The following NTN1 variants were observed in gnomAD, a reference collection of about 807,000 sequenced individuals.
NTN1 encodes netrin-1.
A neutral mutation model predicts 54.2 loss-of-function variants in NTN1; 11 were observed. The ratio of observed to expected loss-of-function variants is 0.20; its 90% CI spans 0.13 to 0.34. The LOEUF is 0.34. NTN1 is among the 10% of genes least tolerant of loss of function. NTN1 has a pLI of 1.00. For missense variants in NTN1, 740 were observed against 893.1 expected (o/e 0.83, Z 2.18); for synonymous variants, 371 against 382.0 (o/e 0.97, Z 0.33).
chr17:9,215,288 C>CACACAT (rs34962426), intron 5 of NTN1, among the ~76,000 whole-genome samples: 1 of 150,754 alleles, frequency 6.6e-6, no homozygotes. Context: ...CACACACACA[C>CACACAT]ATACACACAT....
the NTN1 span, among the ~76,000 whole-genome samples, chr17:9,007,833 G>C: frequency 0.014 from 2,203 of 152,128 alleles, 43 homozygotes; most frequent in African/African-American, 0.049. Flanking sequence ...CTGGGCTCAA[G>C]CTATCCTCCC....
At position 9,120,722 on chromosome 17, in the gene NTN1, C is replaced by T. The variant is rs1052464055; in HGVS notation, c.1019-42091C>T. On this transcript the variant is annotated intron_variant, in intron 2 of 6. Coordinates refer to ENST00000173229, the MANE Select transcript of NTN1 (RefSeq NM_004822.3). ...TGATGTGGGCAGAGTTGGTGGGGGT[C>T]CCAGGGAGTCCCCCCAGCCCCTTCC... Among the ~76,000 whole-genome samples, 7 of 152,274 alleles carry T rather than the reference C, an allele frequency of 4.6e-5. No individual in the cohort carries two copies. In the South Asian group the frequency reaches 6.2e-4, roughly 14 times the overall value.
In NTN1 at chr17:9,022,321, C is replaced by T. The variant is rs1048701933; in HGVS notation, c.-53C>T. On this transcript the variant is annotated 5_prime_UTR_variant, in exon 2 of 7. Transcript: ENST00000173229. ...CCCTTCTCTCCGCAGGCGCCTTCTG[C>T]GGCAGGCGGACAGATCCTCGGCGCG... The T allele has an allele frequency of 2.4e-6, 3 of 1,262,786 alleles. No individual in the cohort carries two copies. The highest frequency in any genetic ancestry group is 3.1e-5 in the African/African-American group (2 of 64,216). The allele number at this position is 1,262,786 out of a possible 1,614,324, so 78.2% of individuals were successfully genotyped here.
At chr17:9,075,029 C>T (rs17808998) in intron 2 of NTN1, among the ~76,000 whole-genome samples, 36,030 of 152,104 alleles carry the variant, frequency 0.24, 4,682 homozygotes, top group East Asian at 0.39. Flanking sequence ...ATGTTGTGGT[C>T]GGGCCTAGTT....
intron 5 of NTN1, among the ~76,000 whole-genome samples, chr17:9,217,059 A>T (rs1439153224): frequency 1.3e-5 from 2 of 151,310 alleles, no homozygotes; most frequent in Non-Finnish European, 1.5e-5. Flanking sequence ...AAAAAAAAAA[A>T]GAAATATAAG....
chr17:9,022,856 C>T lies in NTN1; in HGVS notation c.483C>T (p.Ile161=), dbSNP rs761876633. The T allele has an allele frequency of 6.2e-7, 1 of 1,611,858 alleles. No individual in the cohort carries two copies. The highest frequency in any genetic ancestry group is 1.1e-5 in the South Asian group (1 of 90,952). Residue 161 remains isoleucine, a synonymous_variant, in exon 2 of 7, where the codon ATC becomes ATT. Transcript: ENST00000173229. ...FCSPRPESMA[I]YKSMDYGRTW... Reference sequence around the variant, plus strand: ...CGCCGCGGCCCGAGTCCATGGCCATCTACAAGTCCATGGACTACGGGCGCA... The same window carrying T: ...CGCCGCGGCCCGAGTCCATGGCCATTTACAAGTCCATGGACTACGGGCGCA...
At chr17:9,162,209 G>A (rs1041331120) in intron 2 of NTN1, among the ~76,000 whole-genome samples, 1 of 152,178 alleles carries the variant, frequency 6.6e-6, no homozygotes, top group African/African-American at 2.4e-5. Context: ...GGGGGAGGGG[G>A]AGAAGGGGAG....
chr17:9,054,173 C>T (rs2091970341), intron 2 of NTN1, among the ~76,000 whole-genome samples: 1 of 152,200 alleles, frequency 6.6e-6, no homozygotes, highest in Non-Finnish European at 1.5e-5. Context: ...AAGAACCTAG[C>T]AACTGGGTTA....
At chr17:9,231,843 G>T (rs1046265027) in intron 6 of NTN1, among the ~76,000 whole-genome samples, 1 of 152,228 alleles carries the variant, frequency 6.6e-6, no homozygotes, top group African/African-American at 2.4e-5. Flanking sequence ...AGGGAGGCTG[G>T]CTTTCTCACT....
chr17:9,122,500 G>A (rs886563486), intron 2 of NTN1, among the ~76,000 whole-genome samples: 5 of 152,180 alleles, frequency 3.3e-5, no homozygotes, highest in South Asian at 2.1e-4. Context: ...GTGCTGTGAA[G>A]TTTGACCTAG....
intron 5 of NTN1, among the ~76,000 whole-genome samples, chr17:9,215,284 CACACAT>C (rs1295700855): frequency 6.7e-6 from 1 of 150,006 alleles, no homozygotes; most frequent in African/African-American, 2.4e-5. Flanking sequence ...CACACACACA[CACACAT>C]ACACACATGG....
chr17:9,202,253 A>C (rs961063145), intron 5 of NTN1, among the ~76,000 whole-genome samples: 8 of 151,938 alleles, frequency 5.3e-5, no homozygotes, highest in African/African-American at 1.9e-4. Flanking sequence ...AAAAAAAGAT[A>C]TAAAAGATGA....
intron 2 of NTN1, among the ~76,000 whole-genome samples, chr17:9,084,264 C>T (rs1424457524): frequency 5.9e-5 from 9 of 152,126 alleles, no homozygotes; most frequent in Non-Finnish European, 1.2e-4. Context: ...TGTGCCACCA[C>T]GCCTGCATGA....
intron 2 of NTN1, among the ~76,000 whole-genome samples, chr17:9,096,771 C>G (rs558502821): frequency 6.4e-4 from 98 of 152,276 alleles, no homozygotes; most frequent in Non-Finnish European, 1.1e-3. Flanking sequence ...CAGAACAATT[C>G]TAACTAGTAG....
chr17:9,078,449 C>T (rs2092059113), intron 2 of NTN1, among the ~76,000 whole-genome samples: 1 of 152,216 alleles, frequency 6.6e-6, no homozygotes, highest in Admixed American at 6.5e-5. Context: ...CGTGAGCATC[C>T]TGTCCCCCGG....
intron 2 of NTN1, among the ~76,000 whole-genome samples, chr17:9,113,778 G>T (rs774316340): frequency 6.6e-6 from 1 of 152,118 alleles, no homozygotes; most frequent in Non-Finnish European, 1.5e-5. Flanking sequence ...GTTCAAGGAT[G>T]TTCACTGCAA....
intron 2 of NTN1, among the ~76,000 whole-genome samples, chr17:9,060,992 G>C (rs1171055507): frequency 1.5e-5 from 1 of 65,558 alleles, no homozygotes; most frequent in Non-Finnish European, 3.2e-5. Flanking sequence ...AAAAAAAAAA[G>C]TAGGCAACAA....
intron 2 of NTN1, among the ~76,000 whole-genome samples, chr17:9,124,342 C>A (rs543904322): frequency 6.6e-6 from 1 of 152,336 alleles, no homozygotes; most frequent in South Asian, 2.1e-4. Flanking sequence ...GTTGCCATGA[C>A]AGTCGGTTGG....
chr17:9,126,147 T>C (rs532200895), intron 2 of NTN1, among the ~76,000 whole-genome samples: 22 of 152,330 alleles, frequency 1.4e-4, no homozygotes, highest in South Asian at 4.1e-4. Flanking sequence ...CTTAATGAAT[T>C]GAATAGGATC....
Sources: gnomAD v4.1 joint callset for allele counts (sites outside exome capture counted in the v4.1 genomes callset) on GRCh38, gnomAD v4.1.1 for gene constraint, MANE v1.5 for transcripts, NCBI Gene and HGNC (gene_info 2026-07-23, HGNC 2026-07-21) for gene names.